CMYA5: variants seen among roughly 807,000 people sequenced by gnomAD.
CMYA5 encodes the protein cardiomyopathy associated 5, also known as cardiomyopathy-associated protein 5.
In CMYA5, 246 loss-of-function variants were observed where a neutral mutation model predicts 318.9. That is an observed-to-expected ratio of 0.77 (90% CI 0.70 to 0.86). The LOEUF (loss-of-function observed/expected upper bound fraction) is 0.86. CMYA5 is among the 40% of genes least tolerant of loss of function. The probability of loss-of-function intolerance (pLI) is 0.00; values close to 1 mark genes in which losing one functional copy is unlikely to be tolerated. For missense variants in CMYA5, 4,589 were observed against 4,678.2 expected, an observed-to-expected ratio of 0.98 and a Z score of 0.56; for synonymous variants, 1,641 against 1,729.5, an observed-to-expected ratio of 0.95 and a Z score of 1.27.
At chr5:79,705,383 TC>T (rs1300833756) in intron 1 of CMYA5, among the ~76,000 whole-genome samples, 2 of 150,920 alleles carry the variant, frequency 1.3e-5, no homozygotes, top group African/African-American at 4.9e-5. Context: ...GCCCAACATG[TC>T]CAGAAATACT....
Position 79,752,720 on chromosome 5 carries a change from C to A in CMYA5, c.11036C>A (p.Pro3679His). 6.2e-7 allele frequency: 1 copy of A among 1,613,634 alleles called. No individual in the cohort carries two copies. Among genetic ancestry groups the A allele is most frequent in the South Asian group, 1.1e-5 (1 of 91,048 alleles). The change falls in exon 6 of 13, where the codon CCT (proline) becomes CAT (histidine). Residue 3679 changes from proline (P) to histidine (H), a missense_variant. Around this residue, in one of 3 missense-constraint regions of CMYA5, gnomAD observed 2,431 missense variants for 2,495.1 expected, o/e 0.97. Coordinates refer to ENST00000446378, the MANE Select transcript of CMYA5 (RefSeq NM_153610.5). ...MESTASLEKM[P>H]AAFSLFEHYD... ...AGCACTGCTTCTTTAGAGAAAATGC[C>A]TGCTGCGTTTTCCCTTTTCGAACAT...
chr5:79,705,151 A>G (rs1287188217), intron 1 of CMYA5, among the ~76,000 whole-genome samples: 1 of 152,186 alleles, frequency 6.6e-6, no homozygotes, highest in South Asian at 2.1e-4. Context: ...GCACGCCTGT[A>G]GTCCCAGCTA....
chr5:79,718,641 G>T (rs1471701666), intron 1 of CMYA5, among the ~76,000 whole-genome samples: 4 of 152,074 alleles, frequency 2.6e-5, no homozygotes, highest in African/African-American at 9.7e-5. Flanking sequence ...TTTAACTGCT[G>T]ATCAGAGGAA....
intron 4 of CMYA5, 130 bp downstream of exon 4, chr5:79,745,585 T>A: frequency 1.4e-6 from 1 of 700,200 alleles, no homozygotes; most frequent in Non-Finnish European, 2.4e-6. Context: ...TTCTGGCATT[T>A]AAACATTATT....
intron 1 of CMYA5, among the ~76,000 whole-genome samples, chr5:79,712,131 G>A (rs1014599991): frequency 6.6e-6 from 1 of 152,128 alleles, no homozygotes; most frequent in African/African-American, 2.4e-5. Context: ...GAAACTCCAG[G>A]GCTGGGATGT....
At chr5:79,725,631 G>C (rs374037190) in intron 1 of CMYA5, among the ~76,000 whole-genome samples, 1 of 152,194 alleles carries the variant, frequency 6.6e-6, no homozygotes, top group Non-Finnish European at 1.5e-5. Context: ...AGCAGAGTGC[G>C]GTGGCTCACG....
At chr5:79,797,640 C>T (rs1829297076) in intron 12 of CMYA5, among the ~76,000 whole-genome samples, 1 of 152,198 alleles carries the variant, frequency 6.6e-6, no homozygotes, top group Admixed American at 6.5e-5. Flanking sequence ...CTGAGTATCT[C>T]TATCCCATTC....
intron 9 of CMYA5, among the ~76,000 whole-genome samples, chr5:79,775,235 T>G (rs1828917246): frequency 6.6e-6 from 1 of 152,184 alleles, no homozygotes; most frequent in South Asian, 2.1e-4. Context: ...AATGAAATCT[T>G]TCTTCCCAAA....
At chr5:79,785,340 A>G (rs561532330) in intron 9 of CMYA5, among the ~76,000 whole-genome samples, 99 of 151,920 alleles carry the variant, frequency 6.5e-4, no homozygotes, top group Admixed American at 1.4e-3. Context: ...GCTCCTGACT[A>G]TTTGTTATTT....
chr5:79,736,352 C>A lies in CMYA5; in HGVS notation c.7587C>A (p.Ile2529=). 3 of 1,613,464 alleles carry A rather than the reference C, an allele frequency of 1.9e-6. No homozygotes were observed. The highest frequency in any genetic ancestry group is 2.5e-6 in the Non-Finnish European group (3 of 1,179,696). Reference sequence around the variant, plus strand: ...AAGACTACAATGAAAGACCCAAAATCATTGTTGGTTCTGAAAAGGAGAAAG... The same window carrying A: ...AAGACTACAATGAAAGACCCAAAATAATTGTTGGTTCTGAAAAGGAGAAAG... ...QNEDYNERPK[I]IVGSEKEKGE... is the part of the protein sequence containing the mutation. The change falls in exon 2 of 13, where the codon ATC becomes ATA. Residue 2529 remains isoleucine, a synonymous_variant. Transcript: ENST00000446378.
chr5:79,750,039 G>A lies in CMYA5; in HGVS notation c.10992-2637G>A, dbSNP rs1828402287. Among the ~76,000 whole-genome samples the A allele has an allele frequency of 2.0e-5, 3 of 151,030 alleles. No individual in the cohort carries two copies. The East Asian group carries it at 5.8e-4, about 29-fold the overall frequency. On this transcript the variant is annotated intron_variant, in intron 5 of 12. Coordinates refer to ENST00000446378, the MANE Select transcript of CMYA5 (RefSeq NM_153610.5). ...TTTTTTTTTTTACCATATTCGGTGT[G>A]ATACCATAAACCTTGAATAACGCCA...
At chr5:79,766,890 C>T (rs138606977) in intron 9 of CMYA5, among the ~76,000 whole-genome samples, 4,702 of 152,230 alleles carry the variant, frequency 0.031, 241 homozygotes, top group African/African-American at 0.11. Context: ...GTACCAGCTC[C>T]TCTTTGTACC....
chr5:79,717,316 A>G (rs1827537858), intron 1 of CMYA5, among the ~76,000 whole-genome samples: 1 of 152,238 alleles, frequency 6.6e-6, no homozygotes, highest in Non-Finnish European at 1.5e-5. Context: ...AGAGCCACCA[A>G]AAGAAACACT....
intron 1 of CMYA5, among the ~76,000 whole-genome samples, chr5:79,709,526 A>G (rs1440997113): frequency 6.6e-6 from 1 of 151,968 alleles, no homozygotes; most frequent in African/African-American, 2.4e-5. Flanking sequence ...TAGTTCTAAG[A>G]CATTATTTGC....
At chr5:79,745,626 C>T (rs555210359) in intron 4 of CMYA5, among the ~76,000 whole-genome samples, 171 bp downstream of exon 4, 14 of 152,300 alleles carry the variant, frequency 9.2e-5, no homozygotes, top group African/African-American at 3.4e-4. Flanking sequence ...AGAAAAGGCC[C>T]AGCAAACCCT....
chr5:79,740,203 C>T (rs889593890), intron 2 of CMYA5, among the ~76,000 whole-genome samples: 1 of 152,086 alleles, frequency 6.6e-6, no homozygotes, highest in Admixed American at 6.5e-5. Flanking sequence ...TTGGTATCTG[C>T]TGACATCCTG....
intron 1 of CMYA5, among the ~76,000 whole-genome samples, chr5:79,724,520 A>G (rs980146994): frequency 1.3e-5 from 2 of 152,184 alleles, no homozygotes; most frequent in South Asian, 4.1e-4. Flanking sequence ...CAACGCTGAA[A>G]GTGTGGAGGA....
At chr5:79,779,024 T>C (rs899166773) in intron 9 of CMYA5, among the ~76,000 whole-genome samples, 4 of 83,074 alleles carry the variant, frequency 4.8e-5, no homozygotes, top group Admixed American at 1.4e-4. Context: ...TAACGTGTCA[T>C]CTAGCATTAG....
At chr5:79,775,081 TA>T (rs1485495510) in intron 9 of CMYA5, among the ~76,000 whole-genome samples, 8 of 152,142 alleles carry the variant, frequency 5.3e-5, no homozygotes. Context: ...ATTGAGTAAT[TA>T]AAAGCTAGTC....
Sources: gnomAD v4.1 joint callset for allele counts (sites outside exome capture counted in the v4.1 genomes callset) on GRCh38, gnomAD v4.1.1 for gene constraint, gnomAD v4.1.1 regional missense constraint, MANE v1.5 for transcripts, NCBI Gene and HGNC (gene_info 2026-07-23, HGNC 2026-07-21) for gene names.